ADAM18: variants seen among roughly 807,000 people sequenced by gnomAD.
ADAM18 encodes disintegrin and metalloproteinase domain-containing protein 18.
A neutral mutation model predicts 94.4 loss-of-function variants in ADAM18; 117 were observed. That is an observed-to-expected ratio of 1.24 (90% CI 1.07 to 1.45). The LOEUF is 1.45. ADAM18 is among the 40% of genes most tolerant of loss of function. The pLI is 0.00. For missense variants in ADAM18, 936 were observed against 880.0 expected, an observed-to-expected ratio of 1.06 and a Z score of -0.81; for synonymous variants, 327 against 291.6, an observed-to-expected ratio of 1.12 and a Z score of -1.24.
chr8:39,723,835 T>C lies in ADAM18; in HGVS notation c.2105T>C (p.Val702Ala). The C allele has an allele frequency of 2.5e-6, 4 of 1,585,554 alleles. No individual in the cohort carries two copies. Among genetic ancestry groups the C allele is most frequent in the South Asian group, 1.2e-5 (1 of 86,448 alleles). ...TGCATTTTTCTGCCGTTTTTCATAG[T>C]TTTCACCACTGTGATCTTTAAAAGA... ...SFCIFLPFFI[V>A]FTTVIFKRNE... The change falls in exon 19 of 20, where the codon GTT becomes GCT. Residue 702 changes from valine to alanine, a missense_variant. Physicochemically the swap from Val to Ala is moderately conservative, Grantham distance 64. Coordinates refer to ENST00000265707, the MANE Select transcript of ADAM18 (RefSeq NM_014237.3).
chr8:39,604,121 G>A (rs963905640), intron 2 of ADAM18, among the ~76,000 whole-genome samples: 1 of 152,136 alleles, frequency 6.6e-6, no homozygotes, highest in African/African-American at 2.4e-5. Context: ...CAGTGGTAAA[G>A]CACATTGCTT....
intron 12 of ADAM18, among the ~76,000 whole-genome samples, chr8:39,662,631 G>C (rs1266972430): frequency 1.3e-5 from 2 of 151,982 alleles, no homozygotes; most frequent in Non-Finnish European, 2.9e-5. Flanking sequence ...TAATTTATTT[G>C]TTTATTTATT....
At position 39,606,353 on chromosome 8, in the gene ADAM18, T is replaced by C. The variant is rs1370947766; in HGVS notation, c.179T>C (p.Leu60Pro). Residue 60 changes from leucine (L) to proline (P), a missense_variant, in exon 3 of 20, where the codon CTC becomes CCC. Transcript: ENST00000265707. ...GATGGACAACCTTACACTCTACATCTCGGAAAACAGTAAGATATGATTTTT... is the reference window on the plus strand; with the variant it reads ...GATGGACAACCTTACACTCTACATCCCGGAAAACAGTAAGATATGATTTTT... ...TIDGQPYTLH[L>P]GKQSFLPQNF... The C allele has an allele frequency of 6.4e-7, 1 of 1,552,258 alleles. No individual in the cohort carries two copies. The highest frequency in any genetic ancestry group is 1.4e-5 in the African/African-American group (1 of 72,336).
chr8:39,661,606 C>T (rs902867051), intron 12 of ADAM18, among the ~76,000 whole-genome samples: 3 of 151,796 alleles, frequency 2.0e-5, no homozygotes. Flanking sequence ...ATTATCAAGA[C>T]CTCCACCATG....
At chr8:39,593,674 G>T (rs1168349456) in intron 2 of ADAM18, among the ~76,000 whole-genome samples, 1 of 152,066 alleles carries the variant, frequency 6.6e-6, no homozygotes, top group Non-Finnish European at 1.5e-5. Context: ...TCTTCTGTCA[G>T]GTTTTGCTTC....
intron 14 of ADAM18, among the ~76,000 whole-genome samples, chr8:39,671,494 A>G (rs1265275529): frequency 1.3e-5 from 2 of 152,222 alleles, no homozygotes; most frequent in Admixed American, 1.3e-4. Context: ...GAGAGAGATG[A>G]GGAAGACTTA....
intron 16 of ADAM18, among the ~76,000 whole-genome samples, chr8:39,687,379 GTTAAC>G (rs1442080082): frequency 1.1e-4 from 17 of 152,174 alleles, no homozygotes; most frequent in African/African-American, 2.9e-4. Context: ...AGAAATGGTA[GTTAAC>G]TTAAGAGTTC....
At chr8:39,724,950 A>AT (rs55711109) in intron 19 of ADAM18, among the ~76,000 whole-genome samples, 141,329 of 151,748 alleles carry the variant, frequency 0.93, 65,939 homozygotes, top group African/African-American at 0.97. Flanking sequence ...TAAATTTAAA[A>AT]TTTTTTAAAT....
At position 39,680,074 on chromosome 8, in the gene ADAM18, CATAAAA is replaced by C. The variant is rs1585974030; in HGVS notation, c.1672_1677del (p.Lys558_Asn559del). ...TGGAAAATTAGCTTGTGTTCAGCCACATAAAAATGCTAATAAAAGTGACGCTCAATC... is the reference window on the plus strand; with the variant it reads ...TGGAAAATTAGCTTGTGTTCAGCCACATGCTAATAAAAGTGACGCTCAATC... On this transcript the variant is annotated inframe_deletion, in exon 16 of 20. Coordinates refer to ENST00000265707, the MANE Select transcript of ADAM18 (RefSeq NM_014237.3). 1.2e-6 allele frequency: 2 copies of C among 1,613,688 alleles called. No homozygotes were observed. The highest frequency in any genetic ancestry group is 4.5e-5 in the East Asian group (2 of 44,860).
chr8:39,684,708 A>G (rs1373644756), intron 16 of ADAM18, among the ~76,000 whole-genome samples: 1 of 152,198 alleles, frequency 6.6e-6, no homozygotes, highest in Non-Finnish European at 1.5e-5. Flanking sequence ...ATGATGAGAG[A>G]AGAGACCACT....
chr8:39,606,065 A>T (rs1434129744), intron 2 of ADAM18, among the ~76,000 whole-genome samples: 1 of 152,166 alleles, frequency 6.6e-6, no homozygotes, highest in Non-Finnish European at 1.5e-5. Flanking sequence ...GTAGTATTCC[A>T]TCATGTATAT....
At chr8:39,649,911 T>C (rs1309893039) in intron 12 of ADAM18, among the ~76,000 whole-genome samples, 2 of 152,178 alleles carry the variant, frequency 1.3e-5, no homozygotes, top group African/African-American at 4.8e-5. Flanking sequence ...CGCCTCTTCT[T>C]GTAAATGAAG....
chr8:39,586,645 T>C (rs1469354288), intron 2 of ADAM18, among the ~76,000 whole-genome samples: 1 of 152,126 alleles, frequency 6.6e-6, no homozygotes, highest in Non-Finnish European at 1.5e-5. Flanking sequence ...GAGTACCCCT[T>C]GAGCCCAGCG....
At chr8:39,715,291 C>T (rs1822538117) in intron 18 of ADAM18, among the ~76,000 whole-genome samples, 1 of 151,906 alleles carries the variant, frequency 6.6e-6, no homozygotes, top group African/African-American at 2.4e-5. Context: ...AAATGAAATA[C>T]AACCTATCAA....
chr8:39,714,947 A>G (rs573685358), intron 18 of ADAM18, among the ~76,000 whole-genome samples: 7 of 152,226 alleles, frequency 4.6e-5, no homozygotes, highest in African/African-American at 1.7e-4. Flanking sequence ...TACTGTATAT[A>G]ATTGACCTTA....
chr8:39,687,200 T>C (rs955716226), intron 16 of ADAM18, among the ~76,000 whole-genome samples: 2 of 152,206 alleles, frequency 1.3e-5, no homozygotes, highest in African/African-American at 4.8e-5. Flanking sequence ...GAAAATAATC[T>C]CAAAAACATT....
chr8:39,687,453 T>C (rs1211538049), intron 16 of ADAM18, among the ~76,000 whole-genome samples: 1 of 152,220 alleles, frequency 6.6e-6, no homozygotes, highest in Admixed American at 6.5e-5. Flanking sequence ...TGGTCTAAAT[T>C]AGACAATTTT....
intron 18 of ADAM18, 85 bp from the exon 19 acceptor site, chr8:39,723,663 A>G (rs1034584494): frequency 2.0e-6 from 2 of 991,032 alleles, no homozygotes; most frequent in Non-Finnish European, 2.8e-6. Context: ...CATTATATAT[A>G]CACGTATATG....
intron 2 of ADAM18, among the ~76,000 whole-genome samples, chr8:39,594,182 C>G (rs1168711137): frequency 6.6e-6 from 1 of 152,056 alleles, no homozygotes; most frequent in South Asian, 2.1e-4. Flanking sequence ...ATGTACGTAA[C>G]TTTTCACAGC....
Sources: allele counts gnomAD v4.1 joint callset (sites outside exome capture counted in the v4.1 genomes callset), GRCh38; gene constraint gnomAD v4.1.1; transcripts MANE v1.5; gene names NCBI Gene and HGNC (gene_info 2026-07-23, HGNC 2026-07-21).